Variants in PPP2R2B observed in about 807,000 individuals in gnomAD.
The protein encoded by PPP2R2B is serine/threonine-protein phosphatase 2A 55 kDa regulatory subunit B beta isoform.
PPP2R2B carries 5 observed loss-of-function variants against 46.0 expected under a neutral mutation model. The ratio of observed to expected loss-of-function variants is 0.11; its 90% CI spans 0.06 to 0.23. PPP2R2B has a LOEUF of 0.23. PPP2R2B is among the 10% of genes least tolerant of loss of function. The probability of loss-of-function intolerance (pLI) is 1.00; values close to 1 mark genes in which losing one functional copy is unlikely to be tolerated. For missense variants in PPP2R2B, 367 were observed against 575.0 expected (o/e 0.64, Z 3.70); for synonymous variants, 215 against 206.7 (o/e 1.04, Z -0.34).
At chr5:146,626,315 TTGTA>T (rs1297159573) in intron 7 of PPP2R2B, among the ~76,000 whole-genome samples, 3 of 152,208 alleles carry the variant, frequency 2.0e-5, no homozygotes, top group South Asian at 4.1e-4. Flanking sequence ...TATATAAAGA[TTGTA>T]TGATAAAATT....
At chr5:147,023,973 AGTTCT>A (rs1262464494) in intron 1 of PPP2R2B, among the ~76,000 whole-genome samples, 1 of 152,198 alleles carries the variant, frequency 6.6e-6, no homozygotes, top group African/African-American at 2.4e-5. Flanking sequence ...AGGCCCCTCC[AGTTCT>A]CAGGTCCTGC....
chr5:146,774,354 A>C (rs2151274145), intron 2 of PPP2R2B, among the ~76,000 whole-genome samples: 1 of 152,288 alleles, frequency 6.6e-6, no homozygotes, highest in African/African-American at 2.4e-5. Flanking sequence ...AAACTGACCA[A>C]AAAATAATAA....
chr5:146,995,229 G>A (rs1353173794), intron 1 of PPP2R2B, among the ~76,000 whole-genome samples: 1 of 152,140 alleles, frequency 6.6e-6, no homozygotes, highest in Non-Finnish European at 1.5e-5. Flanking sequence ...TGTTTCCATA[G>A]TAATCAGTAT....
intron 1 of PPP2R2B, among the ~76,000 whole-genome samples, chr5:146,929,678 A>T (rs549949025): frequency 6.6e-6 from 1 of 152,306 alleles, no homozygotes; most frequent in African/African-American, 2.4e-5. Context: ...ATTCAACACA[A>T]GCTCAAACTT....
chr5:146,692,557 A>G (rs1446450191), intron 4 of PPP2R2B, among the ~76,000 whole-genome samples: 1 of 137,502 alleles, frequency 7.3e-6, no homozygotes, highest in African/African-American at 2.8e-5. Flanking sequence ...TTTTTGAGAC[A>G]GAGTCTCGCA....
At chr5:146,909,590 AT>A (rs1329678076) in intron 1 of PPP2R2B, among the ~76,000 whole-genome samples, 9 of 152,228 alleles carry the variant, frequency 5.9e-5, no homozygotes. Flanking sequence ...CTTCCTAATA[AT>A]GGAAGGCATT....
intron 1 of PPP2R2B, among the ~76,000 whole-genome samples, chr5:147,003,378 A>T (rs972409198): frequency 2.0e-5 from 3 of 152,144 alleles, no homozygotes; most frequent in Non-Finnish European, 2.9e-5. Context: ...CAACCCAGGT[A>T]CGTGTCCCTT....
At chr5:146,950,180 C>T (rs558897308) in intron 1 of PPP2R2B, among the ~76,000 whole-genome samples, 20 of 151,808 alleles carry the variant, frequency 1.3e-4, no homozygotes, top group Non-Finnish European at 2.6e-4. Flanking sequence ...CCATTTATCC[C>T]GATGTGATTA....
At chr5:146,675,936 A>G (rs1485069750) in intron 5 of PPP2R2B, among the ~76,000 whole-genome samples, 2 of 151,976 alleles carry the variant, frequency 1.3e-5, no homozygotes, top group Non-Finnish European at 2.9e-5. Context: ...CCCAGGACTA[A>G]TCGGAAGCTT....
intron 5 of PPP2R2B, among the ~76,000 whole-genome samples, chr5:146,681,856 G>A (rs1307462802): frequency 6.6e-6 from 1 of 152,160 alleles, no homozygotes; most frequent in Admixed American, 6.5e-5. Flanking sequence ...CAGGCTTTAT[G>A]GCCAGGGAAT....
At chr5:146,801,076 T>C (rs766033626) in intron 2 of PPP2R2B, among the ~76,000 whole-genome samples, 2 of 152,188 alleles carry the variant, frequency 1.3e-5, no homozygotes, top group South Asian at 2.1e-4. Flanking sequence ...ATAAGTCAGA[T>C]GCAGAATGAC....
chr5:146,812,806 T>C (rs1336883473), intron 2 of PPP2R2B, among the ~76,000 whole-genome samples: 3 of 58,104 alleles, frequency 5.2e-5, no homozygotes, highest in Non-Finnish European at 9.8e-5. Context: ...TATATATATA[T>C]ATATATATAT....
At position 146,580,890 on chromosome 5, in the gene PPP2R2B, A is replaced by T. The variant is rs575512580; in HGVS notation, c.*9057T>A. Among the ~76,000 whole-genome samples, 1 of 152,298 alleles carries T rather than the reference A, an allele frequency of 6.6e-6. No individual in the cohort carries two copies. Among genetic ancestry groups the T allele is most frequent in the South Asian group, 2.1e-4 (1 of 4,826 alleles). ...AATGAATCAACCCCGTGCTGGTCAA[A>T]GTGAAGAGCTTCTTTGAGTCATGAT... On this transcript the variant is annotated 3_prime_UTR_variant, in exon 10 of 10. Coordinates refer to ENST00000394411, the MANE Select transcript of PPP2R2B (RefSeq NM_181675.4).
intron 1 of PPP2R2B, among the ~76,000 whole-genome samples, chr5:147,039,119 G>T (rs965156951): frequency 6.6e-6 from 1 of 152,006 alleles, no homozygotes. Context: ...TGGGCTCTTC[G>T]CATTGCTGAC....
chr5:146,595,366 T>C (rs1359338901), intron 8 of PPP2R2B, among the ~76,000 whole-genome samples: 1 of 152,206 alleles, frequency 6.6e-6, no homozygotes, highest in Admixed American at 6.5e-5. Context: ...GTCTGCTTTG[T>C]GATGAACCTT....
intron 1 of PPP2R2B, among the ~76,000 whole-genome samples, chr5:146,949,829 T>TA (rs765343579): frequency 3.3e-5 from 5 of 152,046 alleles, no homozygotes; most frequent in East Asian, 1.9e-4. Flanking sequence ...TATTCAGCCA[T>TA]AAAAAAGAAT....
intron 6 of PPP2R2B, among the ~76,000 whole-genome samples, chr5:146,642,361 T>A (rs1194512769): frequency 5.3e-5 from 8 of 152,136 alleles, no homozygotes; most frequent in Non-Finnish European, 1.2e-4. Flanking sequence ...CATGGCAGGA[T>A]GGTAAGAGGT....
chr5:146,842,461 C>A (rs1169560489), intron 2 of PPP2R2B, among the ~76,000 whole-genome samples: 1 of 146,770 alleles, frequency 6.8e-6, no homozygotes, highest in Non-Finnish European at 1.5e-5. Context: ...AGACATACTT[C>A]AAAAAAATAC....
intron 1 of PPP2R2B, among the ~76,000 whole-genome samples, chr5:146,940,569 A>G (rs1764291982): frequency 6.6e-6 from 1 of 151,448 alleles, no homozygotes; most frequent in African/African-American, 2.4e-5. Flanking sequence ...AAGGGAGCAC[A>G]GTGACACATA....
Sources: allele counts gnomAD v4.1 joint callset (sites outside exome capture counted in the v4.1 genomes callset), GRCh38; gene constraint gnomAD v4.1.1; transcripts MANE v1.5; gene names NCBI Gene and HGNC (gene_info 2026-07-23, HGNC 2026-07-21).